Variants in COPZ1 observed in about 807,000 individuals in gnomAD.
COPZ1 encodes the protein coat protein complex I subunit zeta 1, also known as coatomer subunit zeta-1.
In COPZ1, 4 loss-of-function variants were observed where a neutral mutation model predicts 31.7. The ratio of observed to expected loss-of-function variants is 0.13; its 90% CI spans 0.06 to 0.29. COPZ1 has a LOEUF of 0.29. COPZ1 is among the 10% of genes least tolerant of loss of function. COPZ1 has a pLI of 1.00. For synonymous variants in COPZ1, 74 were observed against 79.0 expected, an observed-to-expected ratio of 0.94 and a Z score of 0.33; for missense variants, 156 against 211.5, an observed-to-expected ratio of 0.74 and a Z score of 1.63.
At chr12:54,337,481 A>G (rs1953894006) in intron 1 of COPZ1, among the ~76,000 whole-genome samples, 1 of 152,236 alleles carries the variant, frequency 6.6e-6, no homozygotes, top group South Asian at 2.1e-4. Context: ...GGAGTTATTT[A>G]TAAACTTGCC....
At chr12:54,346,736 G>T in intron 5 of COPZ1, 1 of 687,448 alleles carries the variant, frequency 1.5e-6, no homozygotes, top group Middle Eastern at 2.4e-4. Context: ...CATACCTGTA[G>T]TCTCAGCTAC....
Position 54,336,777 on chromosome 12 carries a change from A to T in COPZ1, c.19-3770A>T, listed in dbSNP as rs376126736. 2.5e-3 allele frequency among the ~76,000 whole-genome samples: 380 copies of T among 152,010 alleles called. 3 individuals are homozygous for T. Among genetic ancestry groups the T allele is most frequent in the African/African-American group, 8.9e-3 (371 of 41,480 alleles). On this transcript the variant is annotated intron_variant, in intron 1 of 8. Transcript: ENST00000262061. ...GGTGGCTCACGCCTGTAATCCCAGC[A>T]CTTTGGGAGGCCGAGGCAGGCAGAT...
intron 1 of COPZ1, among the ~76,000 whole-genome samples, chr12:54,338,429 C>T (rs1953911004): frequency 1.3e-5 from 2 of 151,330 alleles, no homozygotes; most frequent in African/African-American, 2.5e-5. Context: ...GAGGACTTCC[C>T]TCCACTAGGC....
At chr12:54,350,273 A>C (rs1954125519) in intron 8 of COPZ1, 1 of 725,910 alleles carries the variant, frequency 1.4e-6, no homozygotes, top group African/African-American at 1.8e-5. Context: ...TCATCCCCTC[A>C]GTGGGTTTGA....
chr12:54,332,726 C>G (rs1953778441), intron 1 of COPZ1, among the ~76,000 whole-genome samples: 2 of 148,710 alleles, frequency 1.3e-5, no homozygotes, highest in Non-Finnish European at 3.0e-5. Flanking sequence ...AAGAATGAAA[C>G]TCAGTCTTAA....
intron 1 of COPZ1, among the ~76,000 whole-genome samples, chr12:54,331,729 G>C (rs183920662): frequency 1.8e-3 from 272 of 152,198 alleles, no homozygotes; most frequent in African/African-American, 5.5e-3. Flanking sequence ...GGGAGATGTG[G>C]GGGGGAGTAA....
intron 1 of COPZ1, among the ~76,000 whole-genome samples, chr12:54,328,293 C>T (rs1310832021): frequency 4.3e-5 from 6 of 139,188 alleles, no homozygotes; most frequent in African/African-American, 1.6e-4. Flanking sequence ...AAAAAAAGGC[C>T]GGGCACGGTG....
intron 1 of COPZ1, 191 bp downstream of exon 1, chr12:54,325,372 C>A: frequency 1.4e-6 from 1 of 720,332 alleles, no homozygotes; most frequent in Non-Finnish European, 2.2e-6. Flanking sequence ...GAAGCCCTGC[C>A]GGGGAGAGGG....
chr12:54,344,928 TG>T (rs1255628226), intron 4 of COPZ1: 2 of 152,152 alleles, frequency 1.3e-5, no homozygotes, highest in African/African-American at 4.8e-5. Flanking sequence ...AATTTTTTTT[TG>T]TATTGTTTGT....
chr12:54,346,752 A>G, intron 5 of COPZ1: 3 of 665,950 alleles, frequency 4.5e-6, no homozygotes, highest in Non-Finnish European at 8.2e-6. Flanking sequence ...GCTACTTGGG[A>G]GGCTGAGGTA....
At chr12:54,327,116 G>T (rs529035121) in intron 1 of COPZ1, among the ~76,000 whole-genome samples, 6 of 150,310 alleles carry the variant, frequency 4.0e-5, no homozygotes, top group African/African-American at 1.5e-4. Flanking sequence ...GAGTAGCTGG[G>T]GTTACAGGCA....
At chr12:54,335,854 AG>A (rs1214882871) in intron 1 of COPZ1, among the ~76,000 whole-genome samples, 1 of 151,548 alleles carries the variant, frequency 6.6e-6, no homozygotes, top group African/African-American at 2.4e-5. Context: ...GTTTTTTTTA[AG>A]TTCTTGCAGA....
chr12:54,346,384 C>T (rs143164798), intron 5 of COPZ1, among the ~76,000 whole-genome samples: 2,778 of 151,564 alleles, frequency 0.018, 93 homozygotes, highest in African/African-American at 0.064. Context: ...TCTCCTGCCT[C>T]AGCCTCCCGA....
At chr12:54,337,393 T>C (rs1953892184) in intron 1 of COPZ1, 15 of 479,316 alleles carry the variant, frequency 3.1e-5, no homozygotes, top group South Asian at 2.3e-4. Context: ...TGATAAGGTC[T>C]TTCTCAACAG....
At chr12:54,334,770 T>C (rs1368826090) in intron 1 of COPZ1, among the ~76,000 whole-genome samples, 1 of 151,696 alleles carries the variant, frequency 6.6e-6, no homozygotes, top group African/African-American at 2.4e-5. Flanking sequence ...GGCAGGAGAA[T>C]GGCGTGAACC....
intron 3 of COPZ1, among the ~76,000 whole-genome samples, chr12:54,342,891 CTG>C (rs1953998852): frequency 7.4e-6 from 1 of 134,500 alleles, no homozygotes; most frequent in African/African-American, 2.9e-5. Flanking sequence ...GAGTCTCTCT[CTG>C]TCACCCAGGC....
intron 1 of COPZ1, among the ~76,000 whole-genome samples, chr12:54,328,294 G>A (rs1221261412): frequency 1.4e-5 from 2 of 141,464 alleles, no homozygotes; most frequent in African/African-American, 2.6e-5. Flanking sequence ...AAAAAAGGCC[G>A]GGCACGGTGG....
intron 1 of COPZ1, among the ~76,000 whole-genome samples, chr12:54,334,223 G>A (rs1953813060): frequency 2.0e-5 from 3 of 151,766 alleles, no homozygotes; most frequent in South Asian, 2.1e-4. Context: ...GCGAAACCCC[G>A]TCTCTACAAA....
intron 1 of COPZ1, among the ~76,000 whole-genome samples, chr12:54,333,563 C>T (rs555409599): frequency 4.1e-4 from 62 of 152,154 alleles, no homozygotes; most frequent in African/African-American, 1.4e-3. Flanking sequence ...GTATTGTAGC[C>T]AGGCATGGTG....
Sources: gnomAD v4.1 joint callset for allele counts (sites outside exome capture counted in the v4.1 genomes callset) on GRCh38, gnomAD v4.1.1 for gene constraint, MANE v1.5 for transcripts, NCBI Gene and HGNC (gene_info 2026-07-23, HGNC 2026-07-21) for gene names.